Variants in ZC3H3 observed in about 807,000 individuals in gnomAD.
The protein encoded by ZC3H3 is zinc finger CCCH domain-containing protein 3.
Under a neutral mutation model 77.3 loss-of-function variants are expected in ZC3H3, and 36 were observed. That is an observed-to-expected ratio of 0.47 (90% CI 0.36 to 0.61). ZC3H3 has a LOEUF of 0.61. Among genes scored for constraint, ZC3H3 ranks in the 20% least tolerant of loss-of-function variants. The pLI is 0.00. For missense variants in ZC3H3, 1,331 were observed against 1,312.2 expected (o/e 1.01, Z -0.22); for synonymous variants, 626 against 555.2 (o/e 1.13, Z -1.79).
In ZC3H3 at chr8:143,538,266, G is replaced by A. The variant is rs2075476600; in HGVS notation, c.1101C>T (p.Ser367=). The A allele has an allele frequency of 2.5e-6, 4 of 1,612,902 alleles. No individual in the cohort carries two copies. Among genetic ancestry groups the A allele is most frequent in the African/African-American group, 1.3e-5 (1 of 74,950 alleles). ...TGCTGGGGGCAGACCCTGGCTTGGA[G>A]GACGTGGCTGGCTTCCTGGGCTTGG... The part of the protein sequence containing the change: ...PEPKPRKPAT[S]SKPGSAPSKY... Residue 367 remains serine (S), a synonymous_variant, in exon 2 of 12, where the codon TCC becomes TCT. Transcript: ENST00000262577.
intron 3 of ZC3H3, among the ~76,000 whole-genome samples, chr8:143,512,154 G>T (rs1294272018): frequency 6.6e-6 from 1 of 152,254 alleles, no homozygotes; most frequent in East Asian, 1.9e-4. Context: ...GAGCGAGCAG[G>T]GAAGGGGCTA....
intron 4 of ZC3H3, among the ~76,000 whole-genome samples, chr8:143,482,025 T>C (rs1820921720): frequency 1.3e-5 from 2 of 152,220 alleles, no homozygotes; most frequent in South Asian, 2.1e-4. Flanking sequence ...AGCTGCACAT[T>C]TGATCAAGTC....
In ZC3H3 at chr8:143,535,483, G is replaced by C. The variant is rs34386820; in HGVS notation, c.1561+774C>G. Among the ~76,000 whole-genome samples, 1,272 of 152,320 alleles carry C rather than the reference G, an allele frequency of 8.4e-3. 9 individuals carry two copies. The highest frequency in any genetic ancestry group is 0.029 in the African/African-American group (1,205 of 41,566). ...ACGCGCCCAGCAGAGCCCCAGAGTC[G>C]CACAGGACCAGGTGCACACAGACGA... On this transcript the variant is annotated intron_variant, in intron 3 of 11. Transcript: ENST00000262577.
chr8:143,501,310 C>T (rs951099501), intron 4 of ZC3H3, among the ~76,000 whole-genome samples: 1 of 152,166 alleles, frequency 6.6e-6, no homozygotes, highest in African/African-American at 2.4e-5. Flanking sequence ...AAGTGATCCT[C>T]CTGCCTCCTC....
At chr8:143,516,686 C>T (rs1822062367) in intron 3 of ZC3H3, among the ~76,000 whole-genome samples, 1 of 152,138 alleles carries the variant, frequency 6.6e-6, no homozygotes, top group African/African-American at 2.4e-5. Flanking sequence ...CCTGCCAGGA[C>T]TGCCTGGGAG....
At chr8:143,537,496 G>T (rs769853439) in intron 2 of ZC3H3, among the ~76,000 whole-genome samples, 1 of 152,186 alleles carries the variant, frequency 6.6e-6, no homozygotes. Context: ...CCCTAGACAC[G>T]GGGCATGCAG....
rs536112662 is a variant in ZC3H3, at chr8:143,538,822, G to C, written c.545C>G (p.Thr182Ser). The C allele has an allele frequency of 5.6e-6, 9 of 1,612,362 alleles. No individual in the cohort carries two copies. The South Asian group carries it at 9.9e-5, about 18-fold the overall frequency. ...QPSRPTRARG[T>S]CSVEDPLLVC... is the part of the protein sequence containing the mutation. ...CAGAAGAGGATCTTCCACACTGCAG[G>C]TCCCCCTGGCTCTTGTTGGCCTCGA... Residue 182 changes from threonine (T) to serine (S), a missense_variant, in exon 2 of 12, where the codon ACC (threonine) becomes AGC (serine). By Grantham distance (58) the Thr-to-Ser change is moderately conservative. This residue lies in a region of ZC3H3 where 978 missense variants were observed against 915.5 expected (regional missense o/e 1.07). Transcript: ENST00000262577.
chr8:143,513,218 C>T (rs899023142), intron 3 of ZC3H3, among the ~76,000 whole-genome samples: 2 of 152,186 alleles, frequency 1.3e-5, no homozygotes, highest in East Asian at 1.9e-4. Context: ...ACCTGCCAAG[C>T]GCAGGCCCCA....
chr8:143,476,738 C>T (rs558522599), intron 4 of ZC3H3, among the ~76,000 whole-genome samples: 104 of 152,366 alleles, frequency 6.8e-4, no homozygotes, highest in Admixed American at 1.6e-3. Flanking sequence ...AAGTGGGAGG[C>T]GAGGACGGGC....
At chr8:143,476,900 C>A (rs543598763) in intron 4 of ZC3H3, among the ~76,000 whole-genome samples, 2 of 152,238 alleles carry the variant, frequency 1.3e-5, no homozygotes, top group African/African-American at 2.4e-5. Flanking sequence ...TCCAGCTGGT[C>A]TGGGCCAGGG....
rs760594196 is a variant in ZC3H3 at position 143,541,435 on chromosome 8, G to T, written c.-14C>A. ...CTTTTCCTCCATCTCCCGAGTCCGC[G>T]ACGGCCGGCCAGGCCCCCACGACGT... is the stretch of plus-strand genomic sequence containing the variant. On this transcript the variant is annotated 5_prime_UTR_variant, in exon 1 of 12. Transcript: ENST00000262577. 6.2e-7 allele frequency: 1 copy of T among 1,611,524 alleles called. No individual in the cohort carries two copies. Among genetic ancestry groups the T allele is most frequent in the Non-Finnish European group, 8.5e-7 (1 of 1,179,308 alleles).
chr8:143,500,224 G>A (rs1351947724), intron 4 of ZC3H3, among the ~76,000 whole-genome samples: 2 of 152,220 alleles, frequency 1.3e-5, no homozygotes, highest in Non-Finnish European at 2.9e-5. Flanking sequence ...CTTCCTGACC[G>A]CTCCCCACAG....
At chr8:143,529,425 A>G (rs1182799640) in intron 3 of ZC3H3, among the ~76,000 whole-genome samples, 1 of 152,172 alleles carries the variant, frequency 6.6e-6, no homozygotes, top group African/African-American at 2.4e-5. Context: ...CCCCCTCTCC[A>G]AGGCACCGGG....
chr8:143,518,583 C>T (rs1372914850), intron 3 of ZC3H3, among the ~76,000 whole-genome samples: 1 of 152,242 alleles, frequency 6.6e-6, no homozygotes, highest in Non-Finnish European at 1.5e-5. Flanking sequence ...TTTCCTGTGA[C>T]TGCGGGACAG....
At chr8:143,505,216 A>C (rs1821651307) in intron 4 of ZC3H3, among the ~76,000 whole-genome samples, 1 of 152,224 alleles carries the variant, frequency 6.6e-6, no homozygotes, top group African/African-American at 2.4e-5. Flanking sequence ...GGCTCCAGCC[A>C]GCCAACTGGC....
rs554990548 is a variant in ZC3H3, at chr8:143,492,313, G to T, written c.1715+15433C>A. 5.3e-5 allele frequency among the ~76,000 whole-genome samples: 8 copies of T among 152,190 alleles called. No individual in the cohort carries two copies. In the East Asian group the frequency reaches 5.8e-4, roughly 11 times the overall value. Reference sequence around the variant, plus strand: ...GATACACACCACGGACTGGCCCAGTGGGGGGGATCCGGTGGCGGCCACCTC... The same window carrying T: ...GATACACACCACGGACTGGCCCAGTTGGGGGGATCCGGTGGCGGCCACCTC... On this transcript the variant is annotated intron_variant, in intron 4 of 11. Coordinates refer to ENST00000262577, the MANE Select transcript of ZC3H3 (RefSeq NM_015117.3).
chr8:143,482,035 C>G (rs1406304521), intron 4 of ZC3H3, among the ~76,000 whole-genome samples: 1 of 152,260 alleles, frequency 6.6e-6, no homozygotes, highest in Non-Finnish European at 1.5e-5. Flanking sequence ...TTGATCAAGT[C>G]CCTGCCAAGA....
chr8:143,509,235 G>A (rs1405517392), intron 3 of ZC3H3, among the ~76,000 whole-genome samples: 1 of 152,188 alleles, frequency 6.6e-6, no homozygotes, highest in Non-Finnish European at 1.5e-5. Flanking sequence ...TATTTTCAAG[G>A]TCTTACAAAC....
chr8:143,517,950 G>GC (rs1266842759), intron 3 of ZC3H3, among the ~76,000 whole-genome samples: 2 of 152,234 alleles, frequency 1.3e-5, no homozygotes, highest in African/African-American at 4.8e-5. Context: ...CAGGACAGCA[G>GC]CTCCAGGCTC....
Sources: allele counts gnomAD v4.1 joint callset (sites outside exome capture counted in the v4.1 genomes callset), GRCh38; gene constraint gnomAD v4.1.1; regional missense constraint gnomAD v4.1.1; transcripts MANE v1.5; gene names NCBI Gene and HGNC (gene_info 2026-07-23, HGNC 2026-07-21).